Variants in LGI1 observed in about 807,000 individuals in gnomAD.
LGI1 encodes the protein leucine-rich glioma-inactivated protein 1.
A neutral mutation model predicts 57.7 loss-of-function variants in LGI1; 11 were observed. The observed-to-expected ratio is 0.19, with a 90% CI of 0.12 to 0.32. The LOEUF (loss-of-function observed/expected upper bound fraction) is 0.32. Among genes scored for constraint, LGI1 ranks in the 10% least tolerant of loss-of-function variants. The probability of loss-of-function intolerance (pLI) is 1.00; values close to 1 mark genes in which losing one functional copy is unlikely to be tolerated. For missense variants in LGI1, 422 were observed against 661.9 expected (o/e 0.64, Z 3.98); for synonymous variants, 222 against 241.9 (o/e 0.92, Z 0.76).
intron 2 of LGI1, chr10:93,763,620 T>A (rs1256137062): frequency 6.6e-6 from 1 of 152,224 alleles, no homozygotes; most frequent in Non-Finnish European, 1.5e-5. Flanking sequence ...GCACCCTATC[T>A]GAATTCACGT....
chr10:93,777,037 A>C (rs1564844696), intron 2 of LGI1: 1 of 389,490 alleles, frequency 2.6e-6, no homozygotes, highest in Non-Finnish European at 4.8e-6. Flanking sequence ...TAGAACAAGC[A>C]GAAAAGATTG....
intron 5 of LGI1, chr10:93,792,502 G>A (rs2059945555): frequency 3.5e-6 from 2 of 574,582 alleles, no homozygotes; most frequent in Middle Eastern, 9.6e-4. Flanking sequence ...AGACTAAGCC[G>A]CTTTGGAATT....
At chr10:93,796,794 G>A (rs895573772) in intron 7 of LGI1, among the ~76,000 whole-genome samples, 174 bp from the exon 8 acceptor site, 3 of 152,168 alleles carry the variant, frequency 2.0e-5, no homozygotes, top group South Asian at 2.1e-4. Context: ...ACAAAGGCAC[G>A]GAACTTTAGG....
intron 2 of LGI1, chr10:93,764,213 A>G (rs1264824877): frequency 1.3e-5 from 2 of 152,122 alleles, no homozygotes; most frequent in African/African-American, 2.4e-5. Flanking sequence ...GGTAAATTAT[A>G]CTTTGCCTGT....
At chr10:93,766,717 C>G (rs1205021665) in intron 2 of LGI1, 1 of 151,910 alleles carries the variant, frequency 6.6e-6, no homozygotes, top group Non-Finnish European at 1.5e-5. Context: ...CCGTGTTAGC[C>G]AGGATGGTCT....
Position 93,793,437 on chromosome 10 carries a change from G to T in LGI1, c.838+87G>T. On this transcript the variant is annotated intron_variant, in intron 7 of 7. Transcript: ENST00000371418. Reference sequence around the variant, plus strand: ...GGAAAGATGAGTGGTATAGGGGAATGCTTTAGCATTTGAATTCCAACTCTA... The same window carrying T: ...GGAAAGATGAGTGGTATAGGGGAATTCTTTAGCATTTGAATTCCAACTCTA... 2.6e-6 allele frequency: 3 copies of T among 1,166,946 alleles called. No individual in the cohort carries two copies. In the South Asian group the frequency reaches 3.7e-5, roughly 15 times the overall value. The allele number at this position is 1,166,946 out of a possible 1,614,324, so 72.3% of individuals were successfully genotyped here. A position where few individuals can be genotyped will look rare whatever the true frequency, so the allele number is the denominator to read the frequency against.
chr10:93,783,726 A>G (rs1336798581), intron 4 of LGI1, among the ~76,000 whole-genome samples: 1 of 152,112 alleles, frequency 6.6e-6, no homozygotes, highest in Non-Finnish European at 1.5e-5. Context: ...AAAAGTATCT[A>G]TTAGGCTGTG....
chr10:93,777,184 G>A (rs1225577450), intron 2 of LGI1, 195 bp from the exon 3 acceptor site: 14 of 636,874 alleles, frequency 2.2e-5, no homozygotes, highest in East Asian at 2.7e-5. Context: ...GGCACCCCTT[G>A]ATGAGCCTTT....
chr10:93,784,050 G>A (rs998194509), intron 4 of LGI1, among the ~76,000 whole-genome samples: 1 of 152,134 alleles, frequency 6.6e-6, no homozygotes, highest in African/African-American at 2.4e-5. Flanking sequence ...AGTATCTATT[G>A]AGGGCTTACT....
Position 93,797,833 on chromosome 10 carries a change from A to G in LGI1, c.*30A>G, listed in dbSNP as rs2059994295. ...CCAAATTCTGTGGCTGCCATCAGAA[A>G]TTTTCTACAGTACATGACCCGGATG... On this transcript the variant is annotated 3_prime_UTR_variant, in exon 8 of 8. Coordinates refer to ENST00000371418, the MANE Select transcript of LGI1 (RefSeq NM_005097.4). The surrounding 1 kb of genome is among the most constrained non-coding windows in gnomAD (Gnocchi z 6.5). 2 of 1,476,726 alleles carry G rather than the reference A, an allele frequency of 1.4e-6. No individual in the cohort carries two copies. The highest frequency in any genetic ancestry group is 2.8e-5 in the African/African-American group (2 of 72,456). 91.5% of individuals were successfully genotyped at this position (1,476,726 alleles called of 1,614,324 possible).
In LGI1 at chr10:93,758,662, T is replaced by C. The variant is rs765313482; in HGVS notation, c.216-98T>C. 1.1e-5 allele frequency: 9 copies of C among 855,690 alleles called. No homozygotes were observed. Among genetic ancestry groups the C allele is most frequent in the African/African-American group, 1.7e-5 (1 of 60,340 alleles). 53.0% of individuals were successfully genotyped at this position (855,690 alleles called of 1,614,324 possible). A position where few individuals can be genotyped will look rare whatever the true frequency, so the allele number is the denominator to read the frequency against. On this transcript the variant is annotated intron_variant, in intron 1 of 7. Transcript: ENST00000371418. The surrounding 1 kb of genome is among the most constrained non-coding windows in gnomAD (Gnocchi z 4.7). ...CATAAAATAGTGTCAAAATAGTCAC[T>C]GTTATGCTAAACCGGATTAACATAA...
At chr10:93,760,846 G>C (rs1212478057) in intron 2 of LGI1, among the ~76,000 whole-genome samples, 1 of 152,148 alleles carries the variant, frequency 6.6e-6, no homozygotes, top group Non-Finnish European at 1.5e-5. Context: ...AAGCAGTTCA[G>C]GTTTCAGAAA....
At chr10:93,796,448 C>T (rs1220271720) in intron 7 of LGI1, among the ~76,000 whole-genome samples, 1 of 152,144 alleles carries the variant, frequency 6.6e-6, no homozygotes, top group Non-Finnish European at 1.5e-5. Context: ...CATAGAGATG[C>T]TGGTAGGCCT....
rs772228851 is a variant in LGI1, at chr10:93,792,897, G to A, written c.658G>A (p.Asp220Asn). ...KINSLSSKDF[D>N]CIITEFAKSQ... ...CAATAGTCTCTCCTCGAAGGATTTTGATTGCATCATTACAGGTAATGTACT... is the reference window on the plus strand; with the variant it reads ...CAATAGTCTCTCCTCGAAGGATTTTAATTGCATCATTACAGGTAATGTACT... The change falls in exon 6 of 8, where the codon GAT becomes AAT. Residue 220 changes from aspartate (D) to asparagine (N), a missense_variant. By Grantham distance (23) the Asp-to-Asn change is conservative (BLOSUM62 1). Coordinates refer to ENST00000371418, the MANE Select transcript of LGI1 (RefSeq NM_005097.4). 29 of 1,613,744 alleles carry A rather than the reference G, an allele frequency of 1.8e-5. No individual in the cohort carries two copies. The highest frequency in any genetic ancestry group is 7.7e-5 in the South Asian group (7 of 91,072).
chr10:93,792,571 C>G, intron 5 of LGI1, 172 bp from the exon 6 acceptor site: 1 of 698,782 alleles, frequency 1.4e-6, no homozygotes, highest in Non-Finnish European at 2.6e-6. Flanking sequence ...GTGCATGGTG[C>G]TAACTCTCTG....
intron 2 of LGI1, chr10:93,771,410 A>T (rs138519324): frequency 6.6e-6 from 1 of 152,308 alleles, no homozygotes; most frequent in Non-Finnish European, 1.5e-5. Context: ...ATCTTGAGTA[A>T]AATAACTCAG....
At position 93,798,011 on chromosome 10, in the gene LGI1, G is replaced by A. The variant is rs1342014008; in HGVS notation, c.*208G>A. 8 of 601,854 alleles carry A rather than the reference G, an allele frequency of 1.3e-5. No individual in the cohort carries two copies. In the Admixed American group the frequency reaches 2.3e-4, roughly 17 times the overall value. The allele number at this position is 601,854 out of a possible 1,614,324, so 37.3% of individuals were successfully genotyped here. On this transcript the variant is annotated 3_prime_UTR_variant, in exon 8 of 8. Coordinates refer to ENST00000371418, the MANE Select transcript of LGI1 (RefSeq NM_005097.4). ...ACCTTTTATAAGACAAAATTTAATT[G>A]TGTAACTGTTCTTTGCAGTGAAGAT...
intron 4 of LGI1, among the ~76,000 whole-genome samples, chr10:93,780,993 A>G (rs1158907394): frequency 6.6e-6 from 1 of 152,180 alleles, no homozygotes; most frequent in African/African-American, 2.4e-5. Flanking sequence ...CTAAGAAACA[A>G]TGCACTTTCT....
chr10:93,758,206 A>G lies in LGI1; in HGVS notation c.62A>G (p.Tyr21Cys). ...NACIPLKRIAYFLCLLSALLL... is the reference protein window; with the variant it reads ...NACIPLKRIACFLCLLSALLL... ...TGCATTCCCCTGAAAAGAATTGCTT[A>G]TTTCCTATGTCTCTTATCTGCGCTT... Residue 21 changes from tyrosine (Y) to cysteine (C), a missense_variant, in exon 1 of 8, where the codon TAT (tyrosine) becomes TGT (cysteine). This residue lies in a region of LGI1 where 58 missense variants were observed against 61.8 expected (regional missense o/e 0.94). Coordinates refer to ENST00000371418, the MANE Select transcript of LGI1 (RefSeq NM_005097.4). The surrounding 1 kb of genome is among the most constrained non-coding windows in gnomAD (Gnocchi z 4.7). 6.2e-7 allele frequency: 1 copy of G among 1,614,174 alleles called. No individual in the cohort carries two copies. The highest frequency in any genetic ancestry group is 1.1e-5 in the South Asian group (1 of 91,074).
Sources: allele counts gnomAD v4.1 joint callset (sites outside exome capture counted in the v4.1 genomes callset), GRCh38; gene constraint gnomAD v4.1.1; regional missense constraint gnomAD v4.1.1; non-coding constraint Gnocchi (gnomAD v3.1); transcripts MANE v1.5; gene names NCBI Gene and HGNC (gene_info 2026-07-23, HGNC 2026-07-21).